The following PLCL1 variants were observed in gnomAD, a reference collection of about 807,000 sequenced individuals.
PLCL1 encodes the protein inactive phospholipase C-like protein 1.
Under a neutral mutation model 84.4 loss-of-function variants are expected in PLCL1, and 41 were observed. That is an observed-to-expected ratio of 0.49 (90% CI 0.38 to 0.63). The LOEUF (loss-of-function observed/expected upper bound fraction) is 0.63, where lower values mean the gene tolerates loss of function less well. PLCL1 is among the 30% of genes least tolerant of loss of function. The probability of loss-of-function intolerance (pLI) is 0.00; values close to 1 mark genes in which losing one functional copy is unlikely to be tolerated. For synonymous variants in PLCL1, 490 were observed against 488.3 expected, an observed-to-expected ratio of 1.00 and a Z score of -0.05; for missense variants, 1,206 against 1,367.8, an observed-to-expected ratio of 0.88 and a Z score of 1.87.
chr2:197,818,278 C>G (rs1033846526), intron 1 of PLCL1, among the ~76,000 whole-genome samples: 4 of 152,098 alleles, frequency 2.6e-5, no homozygotes, highest in African/African-American at 9.7e-5. Flanking sequence ...TATTCACATA[C>G]TCAGGCAACC....
At chr2:198,135,976 G>T (rs983561138) in intron 5 of PLCL1, among the ~76,000 whole-genome samples, 1 of 152,112 alleles carries the variant, frequency 6.6e-6, no homozygotes, top group African/African-American at 2.4e-5. Flanking sequence ...TGCCTTTTGG[G>T]ATCCCCCAAG....
intron 1 of PLCL1, among the ~76,000 whole-genome samples, chr2:197,848,444 C>T (rs1687162089): frequency 6.6e-6 from 1 of 152,072 alleles, no homozygotes; most frequent in South Asian, 2.1e-4. Flanking sequence ...TCATAGGCTT[C>T]CTATTCTGAG....
intron 1 of PLCL1, among the ~76,000 whole-genome samples, chr2:197,911,192 A>G (rs1420197491): frequency 1.3e-5 from 2 of 152,120 alleles, no homozygotes; most frequent in East Asian, 1.9e-4. Flanking sequence ...AAATACAAAA[A>G]TTAGCTGGTT....
At chr2:197,830,341 C>T (rs879438389) in intron 1 of PLCL1, among the ~76,000 whole-genome samples, 1 of 151,736 alleles carries the variant, frequency 6.6e-6, no homozygotes, top group Non-Finnish European at 1.5e-5. Flanking sequence ...ACTGATGGAG[C>T]TGAAAAAGAC....
chr2:197,858,748 A>G (rs1237485821), intron 1 of PLCL1, among the ~76,000 whole-genome samples: 1 of 152,126 alleles, frequency 6.6e-6, no homozygotes, highest in African/African-American at 2.4e-5. Flanking sequence ...TTAGAACAGT[A>G]ACTATTTTAT....
At chr2:197,917,481 AG>A (rs1420372722) in intron 1 of PLCL1, among the ~76,000 whole-genome samples, 1 of 152,238 alleles carries the variant, frequency 6.6e-6, no homozygotes, top group African/African-American at 2.4e-5. Flanking sequence ...AGCAGGGTTG[AG>A]TAGGTGAAGT....
intron 5 of PLCL1, among the ~76,000 whole-genome samples, chr2:198,127,270 A>C (rs1183416710): frequency 1.3e-5 from 2 of 152,156 alleles, no homozygotes; most frequent in Non-Finnish European, 2.9e-5. Context: ...CCTACCAAGT[A>C]GAGGAAAGAA....
At chr2:197,911,711 C>T (rs1688488312) in intron 1 of PLCL1, among the ~76,000 whole-genome samples, 1 of 152,134 alleles carries the variant, frequency 6.6e-6, no homozygotes, top group Admixed American at 6.5e-5. Context: ...GAGTCTGGCA[C>T]CTGAACACTT....
chr2:197,835,551 T>A (rs1691169523), intron 1 of PLCL1, among the ~76,000 whole-genome samples: 1 of 152,206 alleles, frequency 6.6e-6, no homozygotes, highest in Non-Finnish European at 1.5e-5. Context: ...CAAAACTTGA[T>A]ATCCACTATT....
intron 5 of PLCL1, among the ~76,000 whole-genome samples, chr2:198,111,335 A>G (rs569433562): frequency 6.6e-6 from 1 of 151,988 alleles, no homozygotes; most frequent in Admixed American, 6.6e-5. Flanking sequence ...TCTGCCCAGT[A>G]GAGTCACATG....
chr2:198,127,129 A>G (rs1338352308), intron 5 of PLCL1, among the ~76,000 whole-genome samples: 2 of 152,086 alleles, frequency 1.3e-5, no homozygotes, highest in Non-Finnish European at 2.9e-5. Context: ...GCAGGATGGA[A>G]GAGTTGCAAA....
chr2:197,995,996 G>T (rs1051825855), intron 1 of PLCL1, among the ~76,000 whole-genome samples: 1 of 152,190 alleles, frequency 6.6e-6, no homozygotes, highest in African/African-American at 2.4e-5. Flanking sequence ...TTTGTATTTG[G>T]GAAGTGGGGA....
At chr2:197,867,837 C>T (rs1687577845) in intron 1 of PLCL1, among the ~76,000 whole-genome samples, 1 of 152,150 alleles carries the variant, frequency 6.6e-6, no homozygotes. Flanking sequence ...GTCACTCTGA[C>T]TCTTGTGGTG....
rs1476915534 is a variant in PLCL1 at position 198,088,913 on chromosome 2, A to G, written c.2771A>G (p.Lys924Arg). Residue 924 changes from lysine to arginine, a missense_variant, in exon 3 of 6, where the codon AAG (lysine) becomes AGG (arginine). Transcript: ENST00000428675. ...LCGLPPIASL[K>R]QCLLTLSSRL... ...GGACTCCCTCCAATTGCCAGTCTGA[A>G]GCAGTGCCTGTTAACTCTGTCATCT... 6.2e-7 allele frequency: 1 copy of G among 1,613,120 alleles called. No individual in the cohort carries two copies. Among genetic ancestry groups the G allele is most frequent in the East Asian group, 2.2e-5 (1 of 44,884 alleles).
chr2:197,954,564 A>G (rs903217493), intron 1 of PLCL1, among the ~76,000 whole-genome samples: 4 of 152,080 alleles, frequency 2.6e-5, no homozygotes, highest in Non-Finnish European at 5.9e-5. Context: ...ATGCTAATTT[A>G]GTATAATACG....
chr2:198,097,641 T>C (rs1424935341), intron 3 of PLCL1, among the ~76,000 whole-genome samples: 1 of 151,954 alleles, frequency 6.6e-6, no homozygotes, highest in Non-Finnish European at 1.5e-5. Context: ...AGAAAAAAAA[T>C]GATCTGTTTA....
chr2:197,920,988 T>A (rs1022468685), intron 1 of PLCL1, among the ~76,000 whole-genome samples: 1 of 152,192 alleles, frequency 6.6e-6, no homozygotes, highest in African/African-American at 2.4e-5. Flanking sequence ...GATTTTGTCA[T>A]CATACAAACA....
In PLCL1 at chr2:197,975,677, A is replaced by C. The variant is rs181940836; in HGVS notation, c.241-108081A>C. Among the ~76,000 whole-genome samples, 13 of 152,116 alleles carry C rather than the reference A, an allele frequency of 8.5e-5. No individual in the cohort carries two copies. The East Asian group carries it at 2.5e-3, about 29-fold the overall frequency. The stretch of plus-strand genomic sequence containing the variant: ...AAAAATTAGCTGGATGTGGTGGCAC[A>C]TGCCTATAGTTCCAGCTACTCAGGA... On this transcript the variant is annotated intron_variant, in intron 1 of 5. Transcript: ENST00000428675.
chr2:197,943,573 C>A (rs1689207889), intron 1 of PLCL1, among the ~76,000 whole-genome samples: 1 of 150,342 alleles, frequency 6.7e-6, no homozygotes, highest in African/African-American at 2.4e-5. Flanking sequence ...ACTTCCTATA[C>A]CTTTCCTCAC....
Sources: gnomAD v4.1 joint callset for allele counts (sites outside exome capture counted in the v4.1 genomes callset) on GRCh38, gnomAD v4.1.1 for gene constraint, MANE v1.5 for transcripts, NCBI Gene and HGNC (gene_info 2026-07-23, HGNC 2026-07-21) for gene names.